Variants in CALU observed in about 807,000 individuals in gnomAD.
The protein encoded by CALU is IEF SSP 9302.
In CALU, 13 loss-of-function variants were observed where a neutral mutation model predicts 37.5. That is an observed-to-expected ratio of 0.35 (90% CI 0.23 to 0.55). The LOEUF (loss-of-function observed/expected upper bound fraction) is 0.55. CALU is among the 20% of genes least tolerant of loss of function. CALU has a pLI of 0.89. For missense variants in CALU, 282 were observed against 391.7 expected, an observed-to-expected ratio of 0.72 and a Z score of 2.36; for synonymous variants, 114 against 133.8, an observed-to-expected ratio of 0.85 and a Z score of 1.02.
At chr7:128,763,590 G>T (rs1181041116) in intron 5 of CALU, among the ~76,000 whole-genome samples, 1 of 152,134 alleles carries the variant, frequency 6.6e-6, no homozygotes, top group Non-Finnish European at 1.5e-5. Context: ...TGGTCACCTA[G>T]CTTTAAAATG....
intron 1 of CALU, among the ~76,000 whole-genome samples, chr7:128,744,870 T>G (rs774079509): frequency 7.9e-5 from 12 of 152,282 alleles, no homozygotes; most frequent in East Asian, 7.7e-4. Context: ...GGGTGAGTGA[T>G]AAAGCTAAAT....
At chr7:128,752,771 G>A (rs1473406278) in intron 2 of CALU, among the ~76,000 whole-genome samples, 3 of 152,114 alleles carry the variant, frequency 2.0e-5, no homozygotes, top group Admixed American at 6.5e-5. Flanking sequence ...TGCAACCGCC[G>A]CCTCCCAGGT....
At chr7:128,767,035 C>T (rs377145840) in intron 5 of CALU, among the ~76,000 whole-genome samples, 1 of 152,130 alleles carries the variant, frequency 6.6e-6, no homozygotes, top group Non-Finnish European at 1.5e-5. Context: ...TCCCCAGGGG[C>T]GTGCTTGTCC....
In CALU at chr7:128,771,343, A is replaced by G. The variant is rs780427395; in HGVS notation, c.*2176A>G. 5.2e-5 allele frequency: 8 copies of G among 152,434 alleles called. No homozygotes were observed. The highest frequency in any genetic ancestry group is 4.6e-4 in the Admixed American group (7 of 15,254). The allele number at this position is 152,434 out of a possible 1,614,324, so 9.4% of individuals were successfully genotyped here. ...TGGTGAACAGTAGCTACACACCCATATTGTGTGTTCTGTGAATGCTAGCTC... is the reference window on the plus strand; with the variant it reads ...TGGTGAACAGTAGCTACACACCCATGTTGTGTGTTCTGTGAATGCTAGCTC... On this transcript the variant is annotated 3_prime_UTR_variant, in exon 7 of 7. Transcript: ENST00000249364.
intron 5 of CALU, among the ~76,000 whole-genome samples, chr7:128,766,863 G>A (rs1034578220): frequency 5.9e-5 from 9 of 152,202 alleles, no homozygotes; most frequent in African/African-American, 2.2e-4. Context: ...TGGGACAAGG[G>A]CAGTTGTGAA....
intron 3 of CALU, among the ~76,000 whole-genome samples, chr7:128,755,298 C>T (rs763711730): frequency 1.9e-5 from 2 of 106,650 alleles, no homozygotes; most frequent in South Asian, 3.0e-4. Flanking sequence ...GGGGACAGAG[C>T]GAGCTCTGTC....
chr7:128,767,666 C>A lies in CALU; in HGVS notation c.843+11C>A. The A allele has an allele frequency of 6.2e-7, 1 of 1,609,104 alleles. No homozygotes were observed. The highest frequency in any genetic ancestry group is 8.5e-7 in the Non-Finnish European group (1 of 1,175,832). ...TCAGACCAAAACAAGGTAAGTCTGGCGAGGCCCACACGCTCTATCCTTGAT... is the reference window on the plus strand; with the variant it reads ...TCAGACCAAAACAAGGTAAGTCTGGAGAGGCCCACACGCTCTATCCTTGAT... On this transcript the variant is annotated intron_variant, in intron 6 of 6. Coordinates refer to ENST00000249364, the MANE Select transcript of CALU (RefSeq NM_001219.5).
At chr7:128,740,675 G>T (rs1472905445) in intron 1 of CALU, among the ~76,000 whole-genome samples, 1 of 151,864 alleles carries the variant, frequency 6.6e-6, no homozygotes, top group East Asian at 1.9e-4. Context: ...GTTCCAATAG[G>T]ATTCTTTTGA....
chr7:128,771,809 A>G lies in CALU; in HGVS notation c.*2642A>G, dbSNP rs752847166. The G allele has an allele frequency of 2.0e-5, 3 of 152,376 alleles. No individual in the cohort carries two copies. Among genetic ancestry groups the G allele is most frequent in the Non-Finnish European group, 2.9e-5 (2 of 68,142 alleles). The allele number at this position is 152,376 out of a possible 1,614,324, so 9.4% of individuals were successfully genotyped here. ...ATAAGGTAAAACAATTTTGTTTAAC[A>G]TTTTGGTATTGTTTACAAATGTTAT... is the stretch of plus-strand genomic sequence containing the variant. On this transcript the variant is annotated 3_prime_UTR_variant, in exon 7 of 7. Transcript: ENST00000249364.
rs985711425 is a variant in CALU at position 128,772,437 on chromosome 7, C to G, written c.*3270C>G. 1 of 1,439,720 alleles carries G rather than the reference C, an allele frequency of 6.9e-7. No individual in the cohort carries two copies. Among genetic ancestry groups the G allele is most frequent in the African/African-American group, 1.4e-5 (1 of 70,648 alleles). 89.2% of individuals were successfully genotyped at this position (1,439,720 alleles called of 1,614,324 possible). On this transcript the variant is annotated 3_prime_UTR_variant, in exon 7 of 7. Coordinates refer to ENST00000249364, the MANE Select transcript of CALU (RefSeq NM_001219.5). Reference sequence around the variant, plus strand: ...AAACTGCCATCACTCCTTTTACCATCTTTTTTGTGTTTTTAGTAGTTTGGT... The same window carrying G: ...AAACTGCCATCACTCCTTTTACCATGTTTTTTGTGTTTTTAGTAGTTTGGT...
At position 128,772,161 on chromosome 7, in the gene CALU, T is replaced by C. The variant is rs1055399682; in HGVS notation, c.*2994T>C. ...TAATTCAGCATATATCATCTCAGAA[T>C]GGATCCCCAGCAGGAAAAAAAAAAA... On this transcript the variant is annotated 3_prime_UTR_variant, in exon 7 of 7. Transcript: ENST00000249364. 7.3e-6 allele frequency among the ~76,000 whole-genome samples: 1 copy of C among 136,326 alleles called. No individual in the cohort carries two copies. Among genetic ancestry groups the C allele is most frequent in the African/African-American group, 2.7e-5 (1 of 36,930 alleles). The allele number at this position is 136,326 out of a possible 152,430, so 89.4% of individuals were successfully genotyped here. A position where few individuals can be genotyped will look rare whatever the true frequency, so the allele number is the denominator to read the frequency against.
chr7:128,745,321 A>G (rs953775685), intron 1 of CALU, among the ~76,000 whole-genome samples: 3 of 152,200 alleles, frequency 2.0e-5, no homozygotes, highest in East Asian at 3.8e-4. Flanking sequence ...GTTTATCTAA[A>G]GAATTATTTG....
chr7:128,748,127 A>C, intron 1 of CALU: 2 of 423,654 alleles, frequency 4.7e-6, no homozygotes, highest in South Asian at 1.0e-4. Flanking sequence ...AATCAATAGG[A>C]GAAACTTAAA....
In CALU at chr7:128,754,472, TG is replaced by T; in HGVS notation, c.415+22del. 6.2e-7 allele frequency: 1 copy of T among 1,609,346 alleles called. No homozygotes were observed. Among genetic ancestry groups the T allele is most frequent in the Non-Finnish European group, 8.5e-7 (1 of 1,177,504 alleles). On this transcript the variant is annotated intron_variant, in intron 3 of 6. Coordinates refer to ENST00000249364, the MANE Select transcript of CALU (RefSeq NM_001219.5). ...ACGTTTTAGGTAGGTCCCTACTGTCTGGGGGAAAAAGCCTTGTGGAGCTGGC... is the reference window on the plus strand; with the variant it reads ...ACGTTTTAGGTAGGTCCCTACTGTCTGGGGAAAAAGCCTTGTGGAGCTGGC...
Position 128,769,206 on chromosome 7 carries a change from T to G in CALU, c.*39T>G, listed in dbSNP as rs1401000395. On this transcript the variant is annotated 3_prime_UTR_variant, in exon 7 of 7. Transcript: ENST00000249364. Reference sequence around the variant, plus strand: ...CCTCATTTCCTCAAAAGTAATTTATTTTTACAGCTTCTGGTTTCACATGAA... The same window carrying G: ...CCTCATTTCCTCAAAAGTAATTTATGTTTACAGCTTCTGGTTTCACATGAA... 1.9e-6 allele frequency: 2 copies of G among 1,041,808 alleles called. No homozygotes were observed. The highest frequency in any genetic ancestry group is 4.2e-5 in the Admixed American group (2 of 47,512). 64.5% of individuals were successfully genotyped at this position (1,041,808 alleles called of 1,614,324 possible).
intron 5 of CALU, among the ~76,000 whole-genome samples, chr7:128,760,903 G>A (rs1401607290): frequency 2.0e-5 from 3 of 152,166 alleles, no homozygotes; most frequent in East Asian, 1.9e-4. Context: ...GCGAGACTCC[G>A]TCTCAAACAA....
intron 5 of CALU, among the ~76,000 whole-genome samples, chr7:128,767,141 A>G (rs1281087255): frequency 6.6e-6 from 1 of 152,196 alleles, no homozygotes; most frequent in Non-Finnish European, 1.5e-5. Context: ...TTAGGGTGAA[A>G]TGAAATGTAG....
intron 6 of CALU, among the ~76,000 whole-genome samples, chr7:128,768,086 G>A (rs868688381): frequency 6.6e-6 from 1 of 151,990 alleles, no homozygotes; most frequent in Non-Finnish European, 1.5e-5. Flanking sequence ...CTATAAATCA[G>A]CTTTTCTCTG....
Position 128,772,076 on chromosome 7 carries a change from T to TG in CALU, c.*2909_*2910insG, listed in dbSNP as rs1562886474. On this transcript the variant is annotated 3_prime_UTR_variant, in exon 7 of 7. Coordinates refer to ENST00000249364, the MANE Select transcript of CALU (RefSeq NM_001219.5). ...TGAGTTTTTTTTGTTTTTTTTTTTGTTTTGTTTTGTTTTTTCTTTATGTCT... is the reference window on the plus strand; with the variant it reads ...TGAGTTTTTTTTGTTTTTTTTTTTGTGTTTGTTTTGTTTTTTCTTTATGTCT... Among the ~76,000 whole-genome samples, 5 of 58,386 alleles carry TG rather than the reference T, an allele frequency of 8.6e-5. No homozygotes were observed. The highest frequency in any genetic ancestry group is 2.5e-4 in the African/African-American group (5 of 19,638). The allele number at this position is 58,386 out of a possible 152,430, so 38.3% of individuals were successfully genotyped here. A position where few individuals can be genotyped will look rare whatever the true frequency, so the allele number is the denominator to read the frequency against.
Sources: allele counts gnomAD v4.1 joint callset (sites outside exome capture counted in the v4.1 genomes callset), GRCh38; gene constraint gnomAD v4.1.1; transcripts MANE v1.5; gene names NCBI Gene and HGNC (gene_info 2026-07-23, HGNC 2026-07-21).